PDE7B: variants seen among roughly 807,000 people sequenced by gnomAD.
PDE7B encodes phosphodiesterase 7B.
A neutral mutation model predicts 56.2 loss-of-function variants in PDE7B; 29 were observed. That is an observed-to-expected ratio of 0.52 (90% CI 0.38 to 0.70). The LOEUF (loss-of-function observed/expected upper bound fraction) is 0.70. PDE7B is among the 30% of genes least tolerant of loss of function. The pLI is 0.00. For missense variants in PDE7B, 490 were observed against 565.0 expected (o/e 0.87, Z 1.35); for synonymous variants, 197 against 196.9 (o/e 1.00, Z 0.00).
intron 2 of PDE7B, among the ~76,000 whole-genome samples, chr6:136,022,799 C>T (rs1175938126): frequency 6.6e-6 from 1 of 152,194 alleles, no homozygotes; most frequent in Non-Finnish European, 1.5e-5. Flanking sequence ...AAAATGGTAT[C>T]CCTTCTTCCA....
At chr6:135,990,840 G>A (rs1775466845) in intron 2 of PDE7B, among the ~76,000 whole-genome samples, 1 of 152,222 alleles carries the variant, frequency 6.6e-6, no homozygotes, top group Admixed American at 6.5e-5. Flanking sequence ...GTGACAGTAA[G>A]TTTATTAGGA....
chr6:136,145,368 C>A (rs924205698), intron 3 of PDE7B, among the ~76,000 whole-genome samples: 1 of 152,004 alleles, frequency 6.6e-6, no homozygotes, highest in Admixed American at 6.6e-5. Flanking sequence ...TTTTGAGCTC[C>A]CCCTTATTCT....
intron 1 of PDE7B, 152 bp downstream of exon 1, chr6:135,852,171 C>T (rs2128182882): frequency 1.5e-6 from 1 of 658,618 alleles, no homozygotes; most frequent in East Asian, 2.7e-5. Flanking sequence ...GAATTTCCTT[C>T]CTTTTTCTAG....
At chr6:135,890,139 C>T (rs549845539) in intron 1 of PDE7B, among the ~76,000 whole-genome samples, 1 of 152,242 alleles carries the variant, frequency 6.6e-6, no homozygotes, top group South Asian at 2.1e-4. Context: ...TTATTTTCTA[C>T]TTCGTATGAT....
intron 2 of PDE7B, chr6:136,012,812 T>G (rs989091052): frequency 2.0e-5 from 3 of 152,146 alleles, no homozygotes; most frequent in African/African-American, 7.2e-5. Flanking sequence ...TTAAAGAGAG[T>G]GTTCTGACAA....
chr6:135,970,813 G>C, intron 2 of PDE7B, among the ~76,000 whole-genome samples: 1 of 152,164 alleles, frequency 6.6e-6, no homozygotes, highest in South Asian at 2.1e-4. Context: ...AGACTGTAGT[G>C]GGGCAGCGAG....
rs116872280 is a variant in PDE7B at position 135,972,920 on chromosome 6, A to G, written c.82+25396A>G. 1.6e-3 allele frequency among the ~76,000 whole-genome samples: 239 copies of G among 152,300 alleles called. 1 individual carries two copies. The East Asian group carries it at 0.027, about 18-fold the overall frequency. ...CCCCACAATGTTTGGGGGCTTGTTT[A>G]TATGTATCATTTTGTATTTTTGTAA... On this transcript the variant is annotated intron_variant, in intron 2 of 12. Coordinates refer to ENST00000308191, the MANE Select transcript of PDE7B (RefSeq NM_018945.4).
In PDE7B at chr6:135,953,532, G is replaced by A. The variant is rs187516979; in HGVS notation, c.82+6008G>A. Among the ~76,000 whole-genome samples the A allele has an allele frequency of 9.9e-5, 15 of 152,154 alleles. No homozygotes were observed. The East Asian group carries it at 1.2e-3, about 12-fold the overall frequency. ...CCTTATTAGGGCTGTTGAGGATTAC[G>A]TGACAATAAATATTAAAACATTCAG... On this transcript the variant is annotated intron_variant, in intron 2 of 12. Coordinates refer to ENST00000308191, the MANE Select transcript of PDE7B (RefSeq NM_018945.4).
At chr6:136,014,572 G>A (rs1255366214) in intron 2 of PDE7B, among the ~76,000 whole-genome samples, 2 of 152,066 alleles carry the variant, frequency 1.3e-5, no homozygotes, top group Non-Finnish European at 2.9e-5. Flanking sequence ...GGCTCCTGTA[G>A]TTCTCTATTC....
At chr6:136,019,999 T>G (rs1776043633) in intron 2 of PDE7B, among the ~76,000 whole-genome samples, 1 of 152,202 alleles carries the variant, frequency 6.6e-6, no homozygotes, top group African/African-American at 2.4e-5. Context: ...AGTTCGAACC[T>G]ATGTTATTCA....
chr6:135,959,260 T>G (rs1258684192), intron 2 of PDE7B, among the ~76,000 whole-genome samples: 1 of 152,148 alleles, frequency 6.6e-6, no homozygotes, highest in East Asian at 1.9e-4. Flanking sequence ...AGCACCATCC[T>G]CATTTTTTCA....
At position 136,149,106 on chromosome 6, in the gene PDE7B, G is replaced by A; in HGVS notation, c.338G>A (p.Gly113Glu). The change falls in exon 5 of 13, where the codon GGA becomes GAA. Residue 113 changes from glycine to glutamate, a missense_variant. Coordinates refer to ENST00000308191, the MANE Select transcript of PDE7B (RefSeq NM_018945.4). ...GQARHMLSKV[G>E]MWDFDIFLFD... ...TTTCAGCATATGCTCTCCAAAGTGG[G>A]AATGTGGGATTTTGACATTTTCTTG... 1 of 1,612,996 alleles carries A rather than the reference G, an allele frequency of 6.2e-7. No individual in the cohort carries two copies. The highest frequency in any genetic ancestry group is 8.5e-7 in the Non-Finnish European group (1 of 1,179,018).
At chr6:136,019,651 A>G (rs1447476327) in intron 2 of PDE7B, among the ~76,000 whole-genome samples, 1 of 152,214 alleles carries the variant, frequency 6.6e-6, no homozygotes, top group Non-Finnish European at 1.5e-5. Flanking sequence ...ATAACTTTTG[A>G]GTCCCCCAAA....
In PDE7B at chr6:136,149,143, G is replaced by T; in HGVS notation, c.375G>T (p.Leu125Phe). Reference sequence around the variant, plus strand: ...TTGACATTTTCTTGTTTGATCGCTTGACAAATGGTAAGTTACCCAAAAGAA... The same window carrying T: ...TTGACATTTTCTTGTTTGATCGCTTTACAAATGGTAAGTTACCCAAAAGAA... ...WDFDIFLFDRLTNGNSLVTLL... is the reference protein window; with the variant it reads ...WDFDIFLFDRFTNGNSLVTLL... Residue 125 changes from leucine (L) to phenylalanine (F), a missense_variant, in exon 5 of 13, where the codon TTG (leucine) becomes TTT (phenylalanine). Coordinates refer to ENST00000308191, the MANE Select transcript of PDE7B (RefSeq NM_018945.4). 6.2e-7 allele frequency: 1 copy of T among 1,605,914 alleles called. No individual in the cohort carries two copies. The highest frequency in any genetic ancestry group is 1.1e-5 in the South Asian group (1 of 90,906).
At chr6:135,866,782 C>T (rs572338956) in intron 1 of PDE7B, among the ~76,000 whole-genome samples, 5 of 152,234 alleles carry the variant, frequency 3.3e-5, no homozygotes, top group South Asian at 2.1e-4. Context: ...GCATACGTGT[C>T]GTAAACACAT....
intron 2 of PDE7B, among the ~76,000 whole-genome samples, chr6:136,042,966 A>T (rs1364057570): frequency 1.3e-5 from 2 of 152,206 alleles, no homozygotes; most frequent in Non-Finnish European, 2.9e-5. Context: ...TGTTAGTTTA[A>T]ACCTGTCAAC....
intron 10 of PDE7B, among the ~76,000 whole-genome samples, chr6:136,180,909 T>C (rs1042632285): frequency 1.3e-5 from 2 of 152,222 alleles, no homozygotes; most frequent in Admixed American, 1.3e-4. Context: ...CCTCCCTGCA[T>C]GCAGGAGGTG....
chr6:136,111,932 A>G (rs962124598), intron 3 of PDE7B, among the ~76,000 whole-genome samples: 3 of 152,120 alleles, frequency 2.0e-5, no homozygotes, highest in Non-Finnish European at 2.9e-5. Context: ...AATCTAATCT[A>G]GGATTTTTTT....
intron 2 of PDE7B, among the ~76,000 whole-genome samples, chr6:136,067,571 G>A (rs1326038873): frequency 6.6e-6 from 1 of 152,200 alleles, no homozygotes; most frequent in Non-Finnish European, 1.5e-5. Context: ...TTCTATGCCG[G>A]AAGCATAACT....
Sources: allele counts gnomAD v4.1 joint callset (sites outside exome capture counted in the v4.1 genomes callset), GRCh38; gene constraint gnomAD v4.1.1; transcripts MANE v1.5; gene names NCBI Gene and HGNC (gene_info 2026-07-23, HGNC 2026-07-21).